SYN3: variants seen among roughly 807,000 people sequenced by gnomAD.
The protein encoded by SYN3 is synapsin III, also known as synapsin-3.
SYN3 carries 35 observed loss-of-function variants against 65.8 expected under a neutral mutation model. The ratio of observed to expected loss-of-function variants is 0.53; its 90% CI spans 0.41 to 0.70. SYN3 has a LOEUF of 0.70. Among genes scored for constraint, SYN3 ranks in the 30% least tolerant of loss-of-function variants. The probability of loss-of-function intolerance (pLI) is 0.00; values close to 1 mark genes in which losing one functional copy is unlikely to be tolerated. For synonymous variants in SYN3, 270 were observed against 292.9 expected, an observed-to-expected ratio of 0.92 and a Z score of 0.80; for missense variants, 680 against 749.0, an observed-to-expected ratio of 0.91 and a Z score of 1.08.
In SYN3 at chr22:32,511,736, T is replaced by A. The variant is rs1471657192; in HGVS notation, c.*1956A>T. ...AGGCCTGAGCCTACCAGTCTCCAGC[T>A]GCCAAATTATGGCTCCCAATAGTCA... On this transcript the variant is annotated 3_prime_UTR_variant, in exon 14 of 14. Coordinates refer to ENST00000358763, the MANE Select transcript of SYN3 (RefSeq NM_003490.4). 6.6e-6 allele frequency among the ~76,000 whole-genome samples: 1 copy of A among 152,226 alleles called. No individual in the cohort carries two copies.
chr22:32,559,689 G>A (rs1050785415), intron 7 of SYN3, among the ~76,000 whole-genome samples: 6 of 152,156 alleles, frequency 3.9e-5, no homozygotes, highest in Non-Finnish European at 7.4e-5. Context: ...TTAGCCGGGC[G>A]TGGCGGCGGG....
chr22:32,942,199 T>C (rs903736102), intron 3 of SYN3, among the ~76,000 whole-genome samples: 4 of 152,074 alleles, frequency 2.6e-5, no homozygotes, highest in Non-Finnish European at 5.9e-5. Context: ...CACCCCCAAG[T>C]AGGGGCAGAC....
intron 6 of SYN3, among the ~76,000 whole-genome samples, chr22:32,728,105 A>C (rs1052019594): frequency 2.0e-5 from 3 of 152,350 alleles, no homozygotes; most frequent in African/African-American, 4.8e-5. Context: ...TGGATTAAAG[A>C]CTTAAATGTA....
chr22:32,552,280 A>C (rs114357963), intron 7 of SYN3, among the ~76,000 whole-genome samples: 1,876 of 152,140 alleles, frequency 0.012, 31 homozygotes, highest in African/African-American at 0.042. Flanking sequence ...AACTGAAAAC[A>C]CTTTAGAAGG....
intron 6 of SYN3, among the ~76,000 whole-genome samples, chr22:32,667,829 G>A (rs1175124199): frequency 1.4e-5 from 2 of 140,476 alleles, no homozygotes; most frequent in African/African-American, 2.7e-5. Context: ...ACGGAGTGTC[G>A]CTCTGTCGCC....
intron 7 of SYN3, among the ~76,000 whole-genome samples, chr22:32,572,059 G>A (rs192253543): frequency 5.9e-4 from 90 of 152,028 alleles, no homozygotes; most frequent in Admixed American, 2.5e-3. Context: ...GGCATGAATC[G>A]CATCATGCTT....
chr22:32,963,027 G>A (rs1265075115), intron 3 of SYN3, among the ~76,000 whole-genome samples: 1 of 149,922 alleles, frequency 6.7e-6, no homozygotes, highest in Non-Finnish European at 1.5e-5. Flanking sequence ...ATAGAGAGAG[G>A]GATAAATGGC....
At chr22:32,598,171 C>T (rs568252918) in intron 6 of SYN3, among the ~76,000 whole-genome samples, 1 of 152,266 alleles carries the variant, frequency 6.6e-6, no homozygotes, top group South Asian at 2.1e-4. Context: ...ACACTGTGGG[C>T]ACCGAAGGAA....
intron 6 of SYN3, among the ~76,000 whole-genome samples, chr22:32,650,225 CT>C (rs2060043023): frequency 1.6e-5 from 2 of 125,494 alleles, no homozygotes; most frequent in African/African-American, 3.9e-5. Context: ...TTCTCTCTCT[CT>C]CTCTCTCCCT....
rs116467234 is a variant in SYN3, at chr22:32,908,935, T to C, written c.461+22455A>G. ...TTTAGGCTGTTAGGGCAGATTATCA[T>C]AGCAATGAGACCCCAAGAGAAAGAC... On this transcript the variant is annotated intron_variant, in intron 4 of 13. Coordinates refer to ENST00000358763, the MANE Select transcript of SYN3 (RefSeq NM_003490.4). 2.8e-3 allele frequency among the ~76,000 whole-genome samples: 424 copies of C among 152,288 alleles called. 3 individuals carry two copies. The highest frequency in any genetic ancestry group is 9.8e-3 in the African/African-American group (406 of 41,562).
At chr22:33,018,318 G>A (rs1010091667) in intron 1 of SYN3, among the ~76,000 whole-genome samples, 5 of 152,192 alleles carry the variant, frequency 3.3e-5, no homozygotes, top group African/African-American at 1.2e-4. Flanking sequence ...AAGACAAGGT[G>A]CGGATGAGAG....
intron 6 of SYN3, among the ~76,000 whole-genome samples, chr22:32,686,398 T>C (rs1234292642): frequency 6.6e-6 from 1 of 151,826 alleles, no homozygotes; most frequent in Admixed American, 6.6e-5. Context: ...CTCCTTTTTT[T>C]TTTTTTTCAA....
intron 4 of SYN3, among the ~76,000 whole-genome samples, chr22:32,922,259 T>C (rs1601701216): frequency 6.6e-6 from 1 of 152,314 alleles, no homozygotes; most frequent in South Asian, 2.1e-4. Flanking sequence ...CCAGACTGCC[T>C]TGGGCTTGAA....
intron 6 of SYN3, among the ~76,000 whole-genome samples, chr22:32,632,526 C>T (rs1319005701): frequency 6.6e-6 from 1 of 152,118 alleles, no homozygotes; most frequent in Non-Finnish European, 1.5e-5. Flanking sequence ...TTGGGGCCTT[C>T]GATCTTTCAT....
At chr22:32,987,258 G>A (rs1340166935) in intron 2 of SYN3, among the ~76,000 whole-genome samples, 2 of 152,142 alleles carry the variant, frequency 1.3e-5, no homozygotes, top group Non-Finnish European at 2.9e-5. Flanking sequence ...TTGCTGATTT[G>A]TGGCCCAGGC....
intron 1 of SYN3, among the ~76,000 whole-genome samples, chr22:33,011,727 A>C (rs2145826217): frequency 6.6e-6 from 1 of 152,306 alleles, no homozygotes; most frequent in East Asian, 1.9e-4. Context: ...GAAAGTTTTT[A>C]ATAATGAATT....
chr22:32,757,101 C>T (rs189132100), intron 6 of SYN3, among the ~76,000 whole-genome samples: 199 of 151,144 alleles, frequency 1.3e-3, no homozygotes, highest in African/African-American at 4.7e-3. Context: ...GAAAGTGCTT[C>T]CTGCCACTCA....
At chr22:32,711,494 G>C (rs2060965165) in intron 6 of SYN3, among the ~76,000 whole-genome samples, 1 of 152,190 alleles carries the variant, frequency 6.6e-6, no homozygotes, top group East Asian at 1.9e-4. Flanking sequence ...TTCTAAGCAA[G>C]AGACAGAGAG....
At position 32,930,051 on chromosome 22, in the gene SYN3, T is replaced by G. The variant is rs546635674; in HGVS notation, c.461+1339A>C. Among the ~76,000 whole-genome samples the G allele has an allele frequency of 5.9e-5, 9 of 152,286 alleles. No individual in the cohort carries two copies. The South Asian group carries it at 1.9e-3, about 32-fold the overall frequency. Reference sequence around the variant, plus strand: ...TGACCTAGCCCACCGTTACTGGAAATAGGAAGCCAAATGTCTTTCATGGCA... The same window carrying G: ...TGACCTAGCCCACCGTTACTGGAAAGAGGAAGCCAAATGTCTTTCATGGCA... On this transcript the variant is annotated intron_variant, in intron 4 of 13. Transcript: ENST00000358763.
Sources: gnomAD v4.1 joint callset for allele counts (sites outside exome capture counted in the v4.1 genomes callset) on GRCh38, gnomAD v4.1.1 for gene constraint, MANE v1.5 for transcripts, NCBI Gene and HGNC (gene_info 2026-07-23, HGNC 2026-07-21) for gene names.